Variants in PAFAH1B1 observed in about 807,000 individuals in gnomAD.
The protein encoded by PAFAH1B1 is platelet-activating factor acetylhydrolase IB subunit beta.
A neutral mutation model predicts 57.5 loss-of-function variants in PAFAH1B1; 2 were observed. The ratio of observed to expected loss-of-function variants is 0.03; its 90% confidence interval spans 0.01 to 0.11. The LOEUF (loss-of-function observed/expected upper bound fraction) is 0.11. Ranked by LOEUF, PAFAH1B1 falls within the 10% of genes least tolerant of loss-of-function variation. The pLI is 1.00. For missense variants in PAFAH1B1, 257 were observed against 512.0 expected (o/e 0.50, Z 4.81); for synonymous variants, 152 against 169.6 (o/e 0.90, Z 0.81).
intron 2 of PAFAH1B1, among the ~76,000 whole-genome samples, chr17:2,646,332 G>A (rs996469740): frequency 1.2e-4 from 18 of 152,088 alleles, no homozygotes; most frequent in Admixed American, 1.0e-3. Flanking sequence ...GAACTTTATA[G>A]GAATGAGAAA....
chr17:2,665,420 A>G lies in PAFAH1B1; in HGVS notation c.81A>G (p.Ala27=). 2 of 1,608,320 alleles carry G rather than the reference A, an allele frequency of 1.2e-6. No individual in the cohort carries two copies. The highest frequency in any genetic ancestry group is 1.1e-5 in the South Asian group (1 of 90,894). The change falls in exon 3 of 11, where the codon GCA becomes GCG. Residue 27 remains alanine, a synonymous_variant. Coordinates refer to ENST00000397195, the MANE Select transcript of PAFAH1B1 (RefSeq NM_000430.4). ...TTCGTTCAAATGGCTATGAAGAGGC[A>G]TATTCAGTTTTTAAAAAGGAAGCTG... ...DYLRSNGYEE[A]YSVFKKEAEL...
intron 2 of PAFAH1B1, among the ~76,000 whole-genome samples, chr17:2,652,234 C>A (rs1342942706): frequency 6.6e-6 from 1 of 151,574 alleles, no homozygotes; most frequent in Admixed American, 6.6e-5. Flanking sequence ...CACGGTGAAA[C>A]CCCGTCTCTA....
Position 2,610,682 on chromosome 17 carries a change from T to G in PAFAH1B1, c.-191+16676T>G, listed in dbSNP as rs570478429. Reference sequence around the variant, plus strand: ...TTTAGGAAAGCTTACGAATTTGTGTTGGGCCACATTCAAAGCTGTCCTGGG... The same window carrying G: ...TTTAGGAAAGCTTACGAATTTGTGTGGGGCCACATTCAAAGCTGTCCTGGG... On this transcript the variant is annotated intron_variant, in intron 1 of 10. Transcript: ENST00000397195. Among the ~76,000 whole-genome samples, 3 of 152,364 alleles carry G rather than the reference T, an allele frequency of 2.0e-5. No individual in the cohort carries two copies. The East Asian group carries it at 5.8e-4, about 29-fold the overall frequency.
At chr17:2,636,933 C>T (rs2068632185) in intron 1 of PAFAH1B1, among the ~76,000 whole-genome samples, 1 of 152,082 alleles carries the variant, frequency 6.6e-6, no homozygotes, top group Non-Finnish European at 1.5e-5. Flanking sequence ...GTTTCCCAGG[C>T]TGGTCTTGAA....
At chr17:2,634,548 A>G (rs997766648) in intron 1 of PAFAH1B1, among the ~76,000 whole-genome samples, 2 of 152,142 alleles carry the variant, frequency 1.3e-5, no homozygotes, top group South Asian at 4.1e-4. Flanking sequence ...AACAACTTAA[A>G]TGCATCTCAT....
intron 1 of PAFAH1B1, among the ~76,000 whole-genome samples, chr17:2,631,619 C>T (rs997335677): frequency 6.6e-6 from 1 of 152,170 alleles, no homozygotes; most frequent in Non-Finnish European, 1.5e-5. Flanking sequence ...TTCAGCTTCT[C>T]TAGTGGGGGT....
At chr17:2,629,074 TG>T (rs2068525902) in intron 1 of PAFAH1B1, among the ~76,000 whole-genome samples, 1 of 152,162 alleles carries the variant, frequency 6.6e-6, no homozygotes, top group South Asian at 2.1e-4. Context: ...TGTGTTTTTT[TG>T]TTTGTTTGTT....
chr17:2,660,111 G>A (rs1567551736), intron 2 of PAFAH1B1, among the ~76,000 whole-genome samples: 1 of 151,580 alleles, frequency 6.6e-6, no homozygotes, highest in Non-Finnish European at 1.5e-5. Flanking sequence ...CCTTCCCAGA[G>A]CCTTCAACAG....
intron 1 of PAFAH1B1, among the ~76,000 whole-genome samples, chr17:2,600,082 C>T (rs754086458): frequency 1.4e-4 from 20 of 144,906 alleles, no homozygotes; most frequent in East Asian, 8.4e-4. Context: ...TGGGTTCAAA[C>T]GATTCTTCTG....
intron 1 of PAFAH1B1, among the ~76,000 whole-genome samples, chr17:2,600,030 A>G (rs1159660004): frequency 8.2e-6 from 1 of 121,768 alleles, no homozygotes; most frequent in East Asian, 2.5e-4. Flanking sequence ...CCCAGGCTGG[A>G]GTGCAGTGTC....
At chr17:2,673,194 A>C (rs2069207114) in intron 7 of PAFAH1B1, among the ~76,000 whole-genome samples, 1 of 152,236 alleles carries the variant, frequency 6.6e-6, no homozygotes, top group Non-Finnish European at 1.5e-5. Flanking sequence ...ATATACTTTA[A>C]AACTAAGTTT....
intron 2 of PAFAH1B1, among the ~76,000 whole-genome samples, chr17:2,660,206 C>CTTA (rs55969388): frequency 0.17 from 25,737 of 151,636 alleles, 2,614 homozygotes; most frequent in South Asian, 0.25. Flanking sequence ...AATATGCAAG[C>CTTA]TTAGCCTTTT....
chr17:2,631,708 C>T (rs1312263686), intron 1 of PAFAH1B1, among the ~76,000 whole-genome samples: 2 of 152,152 alleles, frequency 1.3e-5, no homozygotes, highest in Non-Finnish European at 2.9e-5. Flanking sequence ...TCTCCCGGGT[C>T]CTGCAGGAGC....
At chr17:2,668,915 G>A (rs1295495178) in intron 5 of PAFAH1B1, among the ~76,000 whole-genome samples, 1 of 151,910 alleles carries the variant, frequency 6.6e-6, no homozygotes, top group African/African-American at 2.4e-5. Context: ...GGCGGAGCTT[G>A]CAGTGAGCCA....
Position 2,681,958 on chromosome 17 carries a change from T to C in PAFAH1B1, c.*156T>C. On this transcript the variant is annotated 3_prime_UTR_variant, in exon 11 of 11. Coordinates refer to ENST00000397195, the MANE Select transcript of PAFAH1B1 (RefSeq NM_000430.4). ...TTATTAAATGTTACACACAAAGTAT[T>C]CATGCATGGTGAATCCAAATTGTAT... The C allele has an allele frequency of 3.2e-6, 2 of 618,480 alleles. No homozygotes were observed. The highest frequency in any genetic ancestry group is 5.7e-6 in the Non-Finnish European group (2 of 351,944). The allele number at this position is 618,480 out of a possible 1,614,324, so 38.3% of individuals were successfully genotyped here.
At chr17:2,644,177 T>C (rs1303072895) in intron 2 of PAFAH1B1, among the ~76,000 whole-genome samples, 1 of 151,848 alleles carries the variant, frequency 6.6e-6, no homozygotes, top group East Asian at 1.9e-4. Flanking sequence ...TTTTTTTTTT[T>C]CTTACCAATC....
intron 2 of PAFAH1B1, among the ~76,000 whole-genome samples, chr17:2,644,738 T>C (rs564915753): frequency 6.6e-5 from 10 of 152,200 alleles, no homozygotes; most frequent in Non-Finnish European, 1.3e-4. Flanking sequence ...TGTGTTTTTT[T>C]AGTCATTGTT....
chr17:2,599,424 C>T (rs879550694), intron 1 of PAFAH1B1, among the ~76,000 whole-genome samples: 5 of 152,122 alleles, frequency 3.3e-5, no homozygotes, highest in Non-Finnish European at 2.9e-5. Context: ...TTTAAATTGG[C>T]ATTTATTAAC....
intron 1 of PAFAH1B1, among the ~76,000 whole-genome samples, chr17:2,611,893 A>G (rs2068272082): frequency 6.6e-6 from 1 of 152,132 alleles, no homozygotes; most frequent in Non-Finnish European, 1.5e-5. Context: ...AAGTACTATG[A>G]AGTCACAGAA....
Sources: gnomAD v4.1 joint callset for allele counts (sites outside exome capture counted in the v4.1 genomes callset) on GRCh38, gnomAD v4.1.1 for gene constraint, MANE v1.5 for transcripts, NCBI Gene and HGNC (gene_info 2026-07-23, HGNC 2026-07-21) for gene names.